Variants in DDX23 observed in about 807,000 individuals in gnomAD.
DDX23 encodes the protein probable ATP-dependent RNA helicase DDX23.
In DDX23, 33 loss-of-function variants were observed where a neutral mutation model predicts 102.7. The observed-to-expected ratio is 0.32, with a 90% CI of 0.24 to 0.43. The LOEUF (loss-of-function observed/expected upper bound fraction) is 0.43. Among genes scored for constraint, DDX23 ranks in the 20% least tolerant of loss-of-function variants. The probability of loss-of-function intolerance (pLI) is 1.00; values close to 1 mark genes in which losing one functional copy is unlikely to be tolerated. For synonymous variants in DDX23, 352 were observed against 376.0 expected, an observed-to-expected ratio of 0.94 and a Z score of 0.74; for missense variants, 549 against 1,086.6, an observed-to-expected ratio of 0.51 and a Z score of 6.96.
intron 6 of DDX23, 96 bp from the exon 7 acceptor site, chr12:48,837,753 A>G (rs1938485108): frequency 6.4e-7 from 1 of 1,558,746 alleles, no homozygotes; most frequent in Non-Finnish European, 8.7e-7. Flanking sequence ...AAATGAAGAA[A>G]AAAAGGGGTA....
chr12:48,832,258 T>A lies in DDX23; in HGVS notation c.1956-72A>T, dbSNP rs1938400076. On this transcript the variant is annotated intron_variant, in intron 14 of 16. Transcript: ENST00000308025. The surrounding 1 kb of genome is among the most constrained non-coding windows in gnomAD (Gnocchi z 4.4). The stretch of plus-strand genomic sequence containing the variant: ...AAGTGAAATGCCCAACCCTCATCTA[T>A]GAACACTACTTTCAGGGTCTTTAAT... 1 of 1,574,640 alleles carries A rather than the reference T, an allele frequency of 6.4e-7. No individual in the cohort carries two copies. Among genetic ancestry groups the A allele is most frequent in the Non-Finnish European group, 8.7e-7 (1 of 1,146,800 alleles).
intron 3 of DDX23, among the ~76,000 whole-genome samples, chr12:48,843,343 T>C (rs1938603087): frequency 6.6e-6 from 1 of 150,472 alleles, no homozygotes; most frequent in South Asian, 2.1e-4. Context: ...CAGATGCCTG[T>C]AGTCCAGCTA....
intron 2 of DDX23, 117 bp from the exon 3 acceptor site, chr12:48,844,167 T>C (rs543988638): frequency 2.2e-6 from 2 of 930,192 alleles, no homozygotes; most frequent in Non-Finnish European, 3.5e-6. Context: ...AATTAGAGAA[T>C]GTATCTCTCA....
rs765584306 is a variant in DDX23, at chr12:48,837,671, A to C, written c.620-14T>G. On this transcript the variant is annotated splice_polypyrimidine_tract_variant and intron_variant, in intron 6 of 16. Coordinates refer to ENST00000308025, the MANE Select transcript of DDX23 (RefSeq NM_004818.3). ...CCTGAGGATCTTCTGCAGACCAAAGAAAGCAAAGCTGCAGAAGAGCTCATG... is the reference window on the plus strand; with the variant it reads ...CCTGAGGATCTTCTGCAGACCAAAGCAAGCAAAGCTGCAGAAGAGCTCATG... 6.2e-7 allele frequency: 1 copy of C among 1,613,958 alleles called. No individual in the cohort carries two copies. Among genetic ancestry groups the C allele is most frequent in the Non-Finnish European group, 8.5e-7 (1 of 1,179,988 alleles).
In DDX23 at chr12:48,837,603, G is replaced by C. The variant is rs763619092; in HGVS notation, c.674C>G (p.Thr225Ser). The C allele has an allele frequency of 3.1e-6, 5 of 1,613,840 alleles. No individual in the cohort carries two copies. The South Asian group carries it at 5.5e-5, about 18-fold the overall frequency. ...RERRERMERE[T>S]NGNEDEEGRQ... Reference sequence around the variant, plus strand: ...CCCTTCCTCATCCTCATTTCCATTGGTCTCCCGTTCCATCCTCTCCCTGCG... The same window carrying C: ...CCCTTCCTCATCCTCATTTCCATTGCTCTCCCGTTCCATCCTCTCCCTGCG... The change falls in exon 7 of 17, where the codon ACC (threonine) becomes AGC (serine). Residue 225 changes from threonine to serine, a missense_variant. Transcript: ENST00000308025.
Position 48,836,104 on chromosome 12 carries a change from G to A in DDX23, c.1382+17C>T, listed in dbSNP as rs1938465243. ...TACCCAGACAAACCCACTCCAGCTG[G>A]TGCTAGCTGACCTCACCTGTCAATT... On this transcript the variant is annotated intron_variant, in intron 11 of 16. Transcript: ENST00000308025. This position sits in a 1 kb window ranked among gnomAD's most constrained non-coding sequence, Gnocchi z 6.1. 6.2e-7 allele frequency: 1 copy of A among 1,611,228 alleles called. No homozygotes were observed. Among genetic ancestry groups the A allele is most frequent in the East Asian group, 2.2e-5 (1 of 44,842 alleles).
intron 1 of DDX23, among the ~76,000 whole-genome samples, chr12:48,851,139 T>TA (rs930269774): frequency 2.0e-5 from 3 of 152,182 alleles, no homozygotes; most frequent in Non-Finnish European, 4.4e-5. Context: ...CTATGTGAGT[T>TA]ACAAAAATAA....
intron 1 of DDX23, among the ~76,000 whole-genome samples, chr12:48,848,436 CAA>C (rs919238398): frequency 2.0e-4 from 30 of 152,074 alleles, no homozygotes; most frequent in African/African-American, 7.0e-4. Flanking sequence ...AGGGGTATAA[CAA>C]GAGATAGATG....
Position 48,845,870 on chromosome 12 carries a change from A to G in DDX23, c.1-88T>C, listed in dbSNP as rs560859656. ...ATTCAATTACCCTCAAAACAACCCTATGAGGTGGATATATTAGTATGTCTA... is the reference window on the plus strand; with the variant it reads ...ATTCAATTACCCTCAAAACAACCCTGTGAGGTGGATATATTAGTATGTCTA... On this transcript the variant is annotated intron_variant, in intron 1 of 16. Transcript: ENST00000308025. 2.7e-5 allele frequency: 36 copies of G among 1,324,988 alleles called. No homozygotes were observed. The East Asian group carries it at 7.7e-4, about 28-fold the overall frequency. 82.1% of individuals were successfully genotyped at this position (1,324,988 alleles called of 1,614,324 possible).
At chr12:48,850,892 T>C (rs181250112) in intron 1 of DDX23, among the ~76,000 whole-genome samples, 1 of 152,198 alleles carries the variant, frequency 6.6e-6, no homozygotes, top group East Asian at 1.9e-4. Flanking sequence ...TGGAATGAGT[T>C]TGGAAGAGAA....
chr12:48,830,117 G>A lies in DDX23; in HGVS notation c.*352C>T, dbSNP rs1215500421. On this transcript the variant is annotated 3_prime_UTR_variant, in exon 17 of 17. Coordinates refer to ENST00000308025, the MANE Select transcript of DDX23 (RefSeq NM_004818.3). This position sits in a 1 kb window ranked among gnomAD's most constrained non-coding sequence, Gnocchi z 4.9. ...TTACACAGTCAAGTCTGTGCCAAAGGAGGTCCCATCCGGCGGCCAGGTTTC... is the reference window on the plus strand; with the variant it reads ...TTACACAGTCAAGTCTGTGCCAAAGAAGGTCCCATCCGGCGGCCAGGTTTC... The A allele has an allele frequency of 2.2e-6, 1 of 455,584 alleles. No homozygotes were observed. The highest frequency in any genetic ancestry group is 2.5e-5 in the Admixed American group (1 of 40,208). 28.2% of individuals were successfully genotyped at this position (455,584 alleles called of 1,614,324 possible). A position where few individuals can be genotyped will look rare whatever the true frequency, so the allele number is the denominator to read the frequency against.
intron 1 of DDX23, among the ~76,000 whole-genome samples, chr12:48,850,484 G>T (rs1221098200): frequency 6.6e-6 from 1 of 152,106 alleles, no homozygotes. Flanking sequence ...AGGGGAGAGG[G>T]TCTGTAGACA....
intron 1 of DDX23, among the ~76,000 whole-genome samples, chr12:48,846,085 T>G (rs970045950): frequency 6.6e-6 from 1 of 152,162 alleles, no homozygotes; most frequent in African/African-American, 2.4e-5. Flanking sequence ...CATAGGTCAC[T>G]GCAGCTTCAA....
In DDX23 at chr12:48,832,418, A is replaced by G; in HGVS notation, c.1955+4T>C. On this transcript the variant is annotated splice_donor_region_variant and intron_variant, in intron 14 of 16. Coordinates refer to ENST00000308025, the MANE Select transcript of DDX23 (RefSeq NM_004818.3). This position sits in a 1 kb window ranked among gnomAD's most constrained non-coding sequence, Gnocchi z 4.4. ...TGTTTCCCCTGGCTCAGCTGCCCTC[A>G]TACCTCTTTTCTGACTCTGACATGA... is the stretch of plus-strand genomic sequence containing the variant. The G allele has an allele frequency of 6.2e-7, 1 of 1,612,372 alleles. No homozygotes were observed. Among genetic ancestry groups the G allele is most frequent in the Non-Finnish European group, 8.5e-7 (1 of 1,178,626 alleles).
intron 1 of DDX23, among the ~76,000 whole-genome samples, chr12:48,850,687 A>C (rs1938742480): frequency 6.6e-6 from 1 of 152,206 alleles, no homozygotes; most frequent in Admixed American, 6.5e-5. Context: ...AGCCAGTGAG[A>C]AAAGACAAAG....
At position 48,839,798 on chromosome 12, in the gene DDX23, T is replaced by C. The variant is rs774720908; in HGVS notation, c.480+46A>G. On this transcript the variant is annotated intron_variant, in intron 5 of 16. Coordinates refer to ENST00000308025, the MANE Select transcript of DDX23 (RefSeq NM_004818.3). ...TGAAGTCACCCAGTCTGTGGTATTG[T>C]GTTATGGCAGCCTGAGCCGATGAAT... 2.5e-6 allele frequency: 4 copies of C among 1,596,632 alleles called. No individual in the cohort carries two copies. In the Middle Eastern group the frequency reaches 5.2e-4, roughly 207 times the overall value.
intron 1 of DDX23, among the ~76,000 whole-genome samples, chr12:48,850,455 GA>G (rs1321793560): frequency 6.6e-6 from 1 of 152,182 alleles, no homozygotes; most frequent in African/African-American, 2.4e-5. Context: ...AAGGCAAAGA[GA>G]AATGCAAATC....
Position 48,840,121 on chromosome 12 carries a change from A to C in DDX23, c.321-15T>G. 1 of 1,599,008 alleles carries C rather than the reference A, an allele frequency of 6.3e-7. No homozygotes were observed. The highest frequency in any genetic ancestry group is 1.7e-4 in the Middle Eastern group (1 of 6,032). ...CAGGAGATAAGCTTTGAGGAAAAGG[A>C]ACAAGGTCCACATCACTCTTACTTC... On this transcript the variant is annotated splice_polypyrimidine_tract_variant and intron_variant, in intron 3 of 16. Transcript: ENST00000308025.
rs990602625 is a variant in DDX23, at chr12:48,836,668, G to A, written c.1137C>T (p.Ile379=). 2 of 1,614,102 alleles carry A rather than the reference G, an allele frequency of 1.2e-6. No homozygotes were observed. Among genetic ancestry groups the A allele is most frequent in the African/African-American group, 2.7e-5 (2 of 74,934 alleles). The change falls in exon 10 of 17, where the codon ATC becomes ATT. Residue 379 remains isoleucine, a synonymous_variant. Coordinates refer to ENST00000308025, the MANE Select transcript of DDX23 (RefSeq NM_004818.3). The surrounding 1 kb of genome is among the most constrained non-coding windows in gnomAD (Gnocchi z 6.1). The part of the protein sequence containing the change: ...DWRIFREDYS[I]TTKGGKIPNP... Reference sequence around the variant, plus strand: ...TGGGGATCTTGCCACCTTTGGTGGTGATGCTGTAGTCCTCACGGAAGATCC... The same window carrying A: ...TGGGGATCTTGCCACCTTTGGTGGTAATGCTGTAGTCCTCACGGAAGATCC...
Sources: gnomAD v4.1 joint callset for allele counts (sites outside exome capture counted in the v4.1 genomes callset) on GRCh38, gnomAD v4.1.1 for gene constraint, Gnocchi (gnomAD v3.1) non-coding constraint, MANE v1.5 for transcripts, NCBI Gene and HGNC (gene_info 2026-07-23, HGNC 2026-07-21) for gene names.